Variants in PTPRT observed in about 807,000 individuals in gnomAD.
The protein encoded by PTPRT is receptor-type tyrosine-protein phosphatase T.
A neutral mutation model predicts 176.8 loss-of-function variants in PTPRT; 56 were observed. That is an observed-to-expected ratio of 0.32 (90% CI 0.26 to 0.40). The LOEUF (loss-of-function observed/expected upper bound fraction) is 0.40, where lower values mean the gene tolerates loss of function less well. Ranked by LOEUF, PTPRT falls within the 10% of genes least tolerant of loss-of-function variation. The pLI is 1.00. For missense variants in PTPRT, 1,540 were observed against 1,908.2 expected (o/e 0.81, Z 3.60); for synonymous variants, 783 against 739.0 (o/e 1.06, Z -0.96).
rs907759020 is a variant in PTPRT, at chr20:42,804,461, C to T, written c.215-12995G>A. On this transcript the variant is annotated intron_variant, in intron 2 of 30. Coordinates refer to ENST00000373187, the MANE Select transcript of PTPRT (RefSeq NM_007050.6). Reference sequence around the variant, plus strand: ...TACTGTCTCTGTCAGTTCCACCAAGCCCTGCAGTAGAACCTAGACCCAGAT... The same window carrying T: ...TACTGTCTCTGTCAGTTCCACCAAGTCCTGCAGTAGAACCTAGACCCAGAT... 3.9e-5 allele frequency among the ~76,000 whole-genome samples: 6 copies of T among 152,180 alleles called. No homozygotes were observed. The East Asian group carries it at 7.7e-4, about 20-fold the overall frequency.
intron 5 of PTPRT, 91 bp downstream of exon 5, chr20:42,771,344 C>A: frequency 8.8e-7 from 1 of 1,140,206 alleles, no homozygotes; most frequent in East Asian, 2.3e-5. Flanking sequence ...TTGTTCAATA[C>A]ACTTGTGTTG....
At chr20:42,931,307 C>T (rs1979833513) in intron 1 of PTPRT, among the ~76,000 whole-genome samples, 2 of 152,144 alleles carry the variant, frequency 1.3e-5, no homozygotes, top group Non-Finnish European at 2.9e-5. Flanking sequence ...TCTCTTTGTA[C>T]ACACACACTT....
chr20:42,259,258 G>T (rs552030361), intron 13 of PTPRT, among the ~76,000 whole-genome samples: 1 of 152,188 alleles, frequency 6.6e-6, no homozygotes, highest in African/African-American at 2.4e-5. Context: ...ACGGCTAAAT[G>T]AGACTCTGAT....
intron 25 of PTPRT, 117 bp downstream of exon 25, chr20:42,104,452 C>T (rs1986237078): frequency 3.3e-6 from 4 of 1,203,876 alleles, no homozygotes; most frequent in Middle Eastern, 2.0e-4. Context: ...CTGGGCTTCT[C>T]AGCCTCCAGA....
intron 11 of PTPRT, among the ~76,000 whole-genome samples, chr20:42,329,340 C>T (rs1413551573): frequency 6.6e-6 from 1 of 152,002 alleles, no homozygotes; most frequent in Non-Finnish European, 1.5e-5. Context: ...TAGCCAAGAA[C>T]ATTTTGAACA....
intron 7 of PTPRT, among the ~76,000 whole-genome samples, chr20:42,601,725 A>C (rs2145791897): frequency 1.3e-5 from 2 of 152,336 alleles, no homozygotes; most frequent in Middle Eastern, 6.8e-3. Flanking sequence ...TAAATTAATG[A>C]ATACATCTCA....
chr20:42,604,037 G>A (rs914645970), intron 7 of PTPRT, among the ~76,000 whole-genome samples: 2 of 152,160 alleles, frequency 1.3e-5, no homozygotes, highest in African/African-American at 4.8e-5. Context: ...TAAATACACT[G>A]AAAAGTAAGA....
At chr20:42,119,904 C>A in intron 20 of PTPRT, 31 bp downstream of exon 20, 1 of 1,592,832 alleles carries the variant, frequency 6.3e-7, no homozygotes, top group South Asian at 1.1e-5. Context: ...TGAAGCCTCT[C>A]TGAGGCACTA....
chr20:42,036,245 C>T, the PTPRT span, among the ~76,000 whole-genome samples: 1 of 152,202 alleles, frequency 6.6e-6, no homozygotes, highest in African/African-American at 2.4e-5. Flanking sequence ...CAGAAGACTT[C>T]TGAGTTAGGA....
chr20:42,256,830 G>A (rs2056650282), intron 13 of PTPRT, among the ~76,000 whole-genome samples: 1 of 152,312 alleles, frequency 6.6e-6, no homozygotes, highest in Middle Eastern at 3.4e-3. Context: ...AGATGGTGGA[G>A]TTCTCAAAGC....
At chr20:42,941,262 T>C (rs568156500) in intron 1 of PTPRT, among the ~76,000 whole-genome samples, 128 of 152,226 alleles carry the variant, frequency 8.4e-4, no homozygotes, top group Non-Finnish European at 1.3e-3. Context: ...AGCTGCAGTT[T>C]CCTCATCAAT....
At chr20:42,633,784 A>AATATATATATATATATAT (rs752371452) in intron 7 of PTPRT, among the ~76,000 whole-genome samples, 13 of 53,372 alleles carry the variant, frequency 2.4e-4, no homozygotes, top group African/African-American at 9.4e-4. Flanking sequence ...AGACTCTGAA[A>AATATATATATATATATAT]ATATATATAT....
rs139739989 is a variant in PTPRT at position 42,291,446 on chromosome 20, T to A, written c.2140-8921A>T. 2.7e-3 allele frequency among the ~76,000 whole-genome samples: 406 copies of A among 152,258 alleles called. 2 individuals are homozygous for A. Among genetic ancestry groups the A allele is most frequent in the African/African-American group, 9.3e-3 (388 of 41,552 alleles). Reference sequence around the variant, plus strand: ...TAAACACACATAGGTATGTATTTACTTGGTGAAAAATTTGTCAATCTATAT... The same window carrying A: ...TAAACACACATAGGTATGTATTTACATGGTGAAAAATTTGTCAATCTATAT... On this transcript the variant is annotated intron_variant, in intron 12 of 30. Coordinates refer to ENST00000373187, the MANE Select transcript of PTPRT (RefSeq NM_007050.6).
chr20:42,934,761 G>C (rs1031522321), intron 1 of PTPRT, among the ~76,000 whole-genome samples: 1 of 152,124 alleles, frequency 6.6e-6, no homozygotes, highest in Non-Finnish European at 1.5e-5. Context: ...CCAGCAAAGA[G>C]AGAATGCTAG....
intron 16 of PTPRT, among the ~76,000 whole-genome samples, chr20:42,194,927 G>A (rs79984859): frequency 6.6e-6 from 1 of 152,234 alleles, no homozygotes; most frequent in African/African-American, 2.4e-5. Context: ...AACACCGCAT[G>A]TTCTCACTCA....
chr20:42,158,460 T>G (rs1216484338), intron 17 of PTPRT, among the ~76,000 whole-genome samples: 2 of 152,226 alleles, frequency 1.3e-5, no homozygotes, highest in Non-Finnish European at 1.5e-5. Flanking sequence ...CCCACTCATG[T>G]GTATGAAAAC....
intron 9 of PTPRT, among the ~76,000 whole-genome samples, chr20:42,403,850 C>T (rs185023688): frequency 8.5e-5 from 13 of 152,268 alleles, no homozygotes; most frequent in African/African-American, 2.9e-4. Flanking sequence ...TCTCACTACT[C>T]GATGGCTTAT....
At chr20:42,674,544 C>T (rs1415589823) in intron 7 of PTPRT, among the ~76,000 whole-genome samples, 5 of 152,206 alleles carry the variant, frequency 3.3e-5, no homozygotes, top group African/African-American at 9.6e-5. Flanking sequence ...GAAACTCTTA[C>T]ATTTACCCTG....
the PTPRT span, among the ~76,000 whole-genome samples, chr20:42,058,943 A>G: frequency 6.6e-6 from 1 of 152,156 alleles, no homozygotes; most frequent in Non-Finnish European, 1.5e-5. Context: ...CATCCAGCCA[A>G]GTGGTTTTCA....
Sources: gnomAD v4.1 joint callset for allele counts (sites outside exome capture counted in the v4.1 genomes callset) on GRCh38, gnomAD v4.1.1 for gene constraint, MANE v1.5 for transcripts, NCBI Gene and HGNC (gene_info 2026-07-23, HGNC 2026-07-21) for gene names.